ADH7: variants seen among roughly 807,000 people sequenced by gnomAD.
The protein encoded by ADH7 is all-trans-retinol dehydrogenase [NAD(+)] ADH7.
ADH7 carries 41 observed loss-of-function variants against 34.4 expected under a neutral mutation model. The ratio of observed to expected loss-of-function variants is 1.19; its 90% CI spans 0.93 to 1.55. The LOEUF (loss-of-function observed/expected upper bound fraction) is 1.55. Among genes scored for constraint, ADH7 ranks in the 40% most tolerant of loss-of-function variants. The pLI is 0.00. For synonymous variants in ADH7, 180 were observed against 160.9 expected (o/e 1.12, Z -0.90); for missense variants, 540 against 461.2 (o/e 1.17, Z -1.56).
chr4:99,428,319 A>G (rs1721861345), intron 3 of ADH7, 145 bp from the exon 4 acceptor site: 1 of 1,232,366 alleles, frequency 8.1e-7, no homozygotes, highest in Admixed American at 2.3e-5. Context: ...TGCCTTCTAA[A>G]GGTTGAGGTT....
In ADH7 at chr4:99,427,990, C is replaced by A; in HGVS notation, c.348-1G>T. ...AGCCAGTACTCCACGACCAGTAATA[C>A]TGTTTGATACATCAAATACACGTAT... is the stretch of plus-strand genomic sequence containing the variant. On this transcript the variant is annotated splice_acceptor_variant, in intron 4 of 8. Transcript: ENST00000437033. LOFTEE classifies it high-confidence loss of function. 1 of 1,613,866 alleles carries A rather than the reference C, an allele frequency of 6.2e-7. No individual in the cohort carries two copies. Among genetic ancestry groups the A allele is most frequent in the South Asian group, 1.1e-5 (1 of 91,046 alleles).
At chr4:99,432,014 T>C (rs1209517602) in intron 1 of ADH7, among the ~76,000 whole-genome samples, 2 of 152,146 alleles carry the variant, frequency 1.3e-5, no homozygotes, top group Non-Finnish European at 2.9e-5. Context: ...GACATATGCA[T>C]GCGTATGTTC....
intron 8 of ADH7, among the ~76,000 whole-genome samples, chr4:99,413,378 T>C (rs1721451552): frequency 6.6e-6 from 1 of 152,192 alleles, no homozygotes; most frequent in Non-Finnish European, 1.5e-5. Flanking sequence ...AAAGCATCAG[T>C]ATAATTTCAG....
chr4:99,425,872 G>C (rs1017494420), intron 5 of ADH7, among the ~76,000 whole-genome samples: 1 of 152,008 alleles, frequency 6.6e-6, no homozygotes, highest in African/African-American at 2.4e-5. Flanking sequence ...TCAGACCACA[G>C]TGCAATCAAA....
chr4:99,420,500 G>C, intron 6 of ADH7, 33 bp downstream of exon 6: 1 of 1,602,102 alleles, frequency 6.2e-7, no homozygotes, highest in Non-Finnish European at 8.5e-7. Flanking sequence ...AATAACTTGG[G>C]TATTTTGTGG....
intron 1 of ADH7, among the ~76,000 whole-genome samples, chr4:99,434,852 A>T (rs909335037): frequency 1.3e-5 from 2 of 152,208 alleles, no homozygotes; most frequent in African/African-American, 4.8e-5. Context: ...GAACTACTGC[A>T]GCGAGTGCAG....
intron 8 of ADH7, 59 bp downstream of exon 8, chr4:99,415,419 T>C (rs1721493701): frequency 6.6e-7 from 1 of 1,521,882 alleles, no homozygotes; most frequent in Non-Finnish European, 9.0e-7. Flanking sequence ...CATTTATAAG[T>C]ACTAAATTTT....
intron 5 of ADH7, among the ~76,000 whole-genome samples, chr4:99,424,714 T>C (rs1231649916): frequency 6.6e-6 from 1 of 152,116 alleles, no homozygotes; most frequent in Admixed American, 6.6e-5. Flanking sequence ...GTGATTTTTG[T>C]ACATTGATTT....
At chr4:99,414,264 T>A (rs1280309121) in intron 8 of ADH7, among the ~76,000 whole-genome samples, 2 of 152,096 alleles carry the variant, frequency 1.3e-5, no homozygotes, top group Admixed American at 6.6e-5. Context: ...AATATGATGA[T>A]CCTGTAGGCT....
At chr4:99,416,398 C>T (rs1454226624) in intron 7 of ADH7, among the ~76,000 whole-genome samples, 3 of 152,052 alleles carry the variant, frequency 2.0e-5, no homozygotes, top group African/African-American at 4.8e-5. Context: ...CCATTTTGAC[C>T]CAGACAGGGG....
At chr4:99,427,266 T>C (rs1721831363) in intron 5 of ADH7, among the ~76,000 whole-genome samples, 1 of 152,152 alleles carries the variant, frequency 6.6e-6, no homozygotes, top group African/African-American at 2.4e-5. Context: ...CTGATACGCA[T>C]TATAGGTGGT....
At chr4:99,433,393 A>C (rs1055465748) in intron 1 of ADH7, among the ~76,000 whole-genome samples, 1 of 152,218 alleles carries the variant, frequency 6.6e-6, no homozygotes, top group Non-Finnish European at 1.5e-5. Context: ...ATGGATGGAA[A>C]AATAGAAGGA....
At chr4:99,423,193 C>G (rs1258285098) in intron 5 of ADH7, among the ~76,000 whole-genome samples, 2 of 151,098 alleles carry the variant, frequency 1.3e-5, no homozygotes, top group East Asian at 3.9e-4. Flanking sequence ...CATGTCCCTA[C>G]AAAGGACATG....
chr4:99,414,178 A>C (rs1300070756), intron 8 of ADH7, among the ~76,000 whole-genome samples: 1 of 152,128 alleles, frequency 6.6e-6, no homozygotes, highest in Non-Finnish European at 1.5e-5. Context: ...TATCTGAGTA[A>C]AGTAGTACTG....
At chr4:99,422,169 A>G (rs957449356) in intron 5 of ADH7, among the ~76,000 whole-genome samples, 6 of 152,096 alleles carry the variant, frequency 3.9e-5, no homozygotes, top group Admixed American at 1.3e-4. Flanking sequence ...ACCCAAAGGA[A>G]TATAAATCAT....
intron 1 of ADH7, among the ~76,000 whole-genome samples, chr4:99,432,016 C>G (rs952203102): frequency 6.6e-6 from 1 of 152,094 alleles, no homozygotes; most frequent in African/African-American, 2.4e-5. Context: ...CATATGCATG[C>G]GTATGTTCAC....
chr4:99,414,623 T>A (rs1233450477), intron 8 of ADH7, among the ~76,000 whole-genome samples: 1 of 152,208 alleles, frequency 6.6e-6, no homozygotes, highest in Non-Finnish European at 1.5e-5. Flanking sequence ...CAGAGAAGTT[T>A]GTTATATGGT....
At chr4:99,415,442 T>C in intron 8 of ADH7, 36 bp downstream of exon 8, 1 of 1,597,472 alleles carries the variant, frequency 6.3e-7, no homozygotes, top group Non-Finnish European at 8.5e-7. Context: ...AAGTAGCCTG[T>C]GGAGAAGAGA....
At chr4:99,427,467 T>C (rs1340636655) in intron 5 of ADH7, among the ~76,000 whole-genome samples, 2 of 152,148 alleles carry the variant, frequency 1.3e-5, no homozygotes, top group Non-Finnish European at 1.5e-5. Flanking sequence ...GTAACTAAAA[T>C]ACTGAGATTG....
Sources: allele counts gnomAD v4.1 joint callset (sites outside exome capture counted in the v4.1 genomes callset), GRCh38; gene constraint gnomAD v4.1.1; transcripts MANE v1.5; gene names NCBI Gene and HGNC (gene_info 2026-07-23, HGNC 2026-07-21).